BBS9: variants seen among roughly 807,000 people sequenced by gnomAD.
BBS9 encodes the protein Bardet-Biedl syndrome 9.
A neutral mutation model predicts 117.7 loss-of-function variants in BBS9; 89 were observed. That is an observed-to-expected ratio of 0.76 (90% CI 0.64 to 0.90). The LOEUF (loss-of-function observed/expected upper bound fraction) is 0.90, where lower values mean the gene tolerates loss of function less well. BBS9 is among the 40% of genes least tolerant of loss of function. The pLI, the probability that BBS9 is intolerant of heterozygous loss-of-function variation, is 0.00. For missense variants in BBS9, 982 were observed against 1,042.2 expected (o/e 0.94, Z 0.80); for synonymous variants, 379 against 370.9 (o/e 1.02, Z -0.25).
At chr7:33,352,683 C>G (rs891186391) in intron 14 of BBS9, among the ~76,000 whole-genome samples, 176 bp from the exon 15 acceptor site, 1 of 152,042 alleles carries the variant, frequency 6.6e-6, no homozygotes, top group African/African-American at 2.4e-5. Flanking sequence ...TTGTGTTATA[C>G]TCTCAATTGT....
intron 17 of BBS9, among the ~76,000 whole-genome samples, chr7:33,370,238 G>A (rs1285863966): frequency 1.3e-5 from 2 of 151,732 alleles, no homozygotes; most frequent in South Asian, 2.1e-4. Flanking sequence ...TGGGAGGATC[G>A]CTTAAGCCTA....
intron 9 of BBS9, chr7:33,314,455 C>T (rs1810029737): frequency 4.5e-6 from 1 of 223,878 alleles, no homozygotes; most frequent in Non-Finnish European, 9.0e-6. Flanking sequence ...TATTATTTGA[C>T]AATTAGAAGG....
chr7:33,201,479 C>T (rs778916565), intron 5 of BBS9, among the ~76,000 whole-genome samples: 2 of 152,126 alleles, frequency 1.3e-5, no homozygotes, highest in East Asian at 1.9e-4. Context: ...TCAGATCCTA[C>T]GTCATCCCAC....
intron 5 of BBS9, among the ~76,000 whole-genome samples, chr7:33,216,918 AC>A (rs780680448): frequency 4.6e-5 from 7 of 152,050 alleles, no homozygotes; most frequent in Non-Finnish European, 7.4e-5. Flanking sequence ...ACATGGTGAA[AC>A]CCATCTCTAC....
intron 19 of BBS9, among the ~76,000 whole-genome samples, chr7:33,406,356 G>A (rs1274762315): frequency 6.6e-6 from 1 of 152,104 alleles, no homozygotes; most frequent in East Asian, 1.9e-4. Context: ...TGTCTATTAG[G>A]TCTGCTTGGT....
At chr7:33,428,585 T>C (rs1223014988) in intron 19 of BBS9, among the ~76,000 whole-genome samples, 1 of 152,164 alleles carries the variant, frequency 6.6e-6, no homozygotes, top group African/African-American at 2.4e-5. Context: ...CTTGGCTTTA[T>C]AGGGTACACA....
In BBS9 at chr7:33,356,541, G is replaced by A. The variant is rs558786257; in HGVS notation, c.1553-1314G>A. Among the ~76,000 whole-genome samples the A allele has an allele frequency of 4.6e-5, 7 of 151,862 alleles. No individual in the cohort carries two copies. The South Asian group carries it at 1.2e-3, about 27-fold the overall frequency. On this transcript the variant is annotated intron_variant, in intron 15 of 22. Transcript: ENST00000242067. The stretch of plus-strand genomic sequence containing the variant: ...TGGTTATGAGCAAAAAATGAGCTAC[G>A]TAAAACTTGATGGATAATAGATTAT...
rs6955645 is a variant in BBS9, at chr7:33,351,527, T to A, written c.1537+204T>A. On this transcript the variant is annotated intron_variant, in intron 14 of 22. Coordinates refer to ENST00000242067, the MANE Select transcript of BBS9 (RefSeq NM_198428.3). Reference sequence around the variant, plus strand: ...CTATTTAGCTGATTTCCATATGTAATGTTTGGTTCCCTCTTTTCAGTTAAT... The same window carrying A: ...CTATTTAGCTGATTTCCATATGTAAAGTTTGGTTCCCTCTTTTCAGTTAAT... 0.083 allele frequency: 48,083 copies of A among 581,304 alleles called. 2,262 individuals are homozygous for A. The highest frequency in any genetic ancestry group is 0.13 in the South Asian group (7,109 of 53,594). The allele number at this position is 581,304 out of a possible 1,614,324, so 36.0% of individuals were successfully genotyped here.
rs116064541 is a variant in BBS9, at chr7:33,214,753, G to A, written c.442+37162G>A. ...CATGCTTATAGATGGGGATAACATTGCTAAAATATCAATACCACTCAAAGC... is the reference window on the plus strand; with the variant it reads ...CATGCTTATAGATGGGGATAACATTACTAAAATATCAATACCACTCAAAGC... On this transcript the variant is annotated intron_variant, in intron 5 of 22. Transcript: ENST00000242067. Among the ~76,000 whole-genome samples, 1,042 of 152,274 alleles carry A rather than the reference G, an allele frequency of 6.8e-3. 13 individuals carry two copies. Among genetic ancestry groups the A allele is most frequent in the African/African-American group, 0.024 (991 of 41,542 alleles).
At chr7:33,312,298 G>A (rs573637218) in intron 9 of BBS9, among the ~76,000 whole-genome samples, 5 of 152,132 alleles carry the variant, frequency 3.3e-5, no homozygotes, top group Non-Finnish European at 7.3e-5. Context: ...CGGGATATAG[G>A]CATCTGTCTT....
intron 2 of BBS9, among the ~76,000 whole-genome samples, chr7:33,148,170 T>C (rs1792710866): frequency 6.6e-6 from 1 of 152,152 alleles, no homozygotes; most frequent in African/African-American, 2.4e-5. Flanking sequence ...CTGTTTAAGA[T>C]AGGAATGTCT....
At chr7:33,568,061 A>G (rs1178289406) in intron 21 of BBS9, among the ~76,000 whole-genome samples, 1 of 152,188 alleles carries the variant, frequency 6.6e-6, no homozygotes, top group Non-Finnish European at 1.5e-5. Flanking sequence ...TCCTTGGCTT[A>G]CAGTCTTACT....
chr7:33,324,132 T>C (rs1427383133), intron 9 of BBS9, among the ~76,000 whole-genome samples: 2 of 152,006 alleles, frequency 1.3e-5, no homozygotes, highest in South Asian at 2.1e-4. Flanking sequence ...GCCACCACGC[T>C]TGGACCCCTG....
intron 21 of BBS9, among the ~76,000 whole-genome samples, chr7:33,618,463 A>G (rs1308342018): frequency 6.6e-6 from 1 of 152,216 alleles, no homozygotes; most frequent in Non-Finnish European, 1.5e-5. Flanking sequence ...ATGGTGGTGC[A>G]TAAATCACTT....
At chr7:33,574,033 G>C (rs554248802) in intron 21 of BBS9, among the ~76,000 whole-genome samples, 2 of 152,196 alleles carry the variant, frequency 1.3e-5, no homozygotes, top group South Asian at 4.1e-4. Flanking sequence ...CTTCTCCATT[G>C]TGCATGTGGG....
intron 6 of BBS9, among the ~76,000 whole-genome samples, chr7:33,261,420 T>A (rs544020685): frequency 6.6e-6 from 1 of 152,328 alleles, no homozygotes; most frequent in South Asian, 2.1e-4. Flanking sequence ...AGAAAGCTTC[T>A]GTTTTGTTAC....
chr7:33,347,088 A>C (rs1817726788), intron 12 of BBS9, among the ~76,000 whole-genome samples: 1 of 152,184 alleles, frequency 6.6e-6, no homozygotes, highest in Non-Finnish European at 1.5e-5. Context: ...ACTTGCAATC[A>C]AAGTGGCCTT....
intron 19 of BBS9, among the ~76,000 whole-genome samples, chr7:33,400,718 CT>C (rs1828769774): frequency 6.6e-6 from 1 of 152,146 alleles, no homozygotes; most frequent in Non-Finnish European, 1.5e-5. Context: ...CGATATGTTT[CT>C]CTGTATATTA....
intron 20 of BBS9, among the ~76,000 whole-genome samples, chr7:33,523,162 A>G (rs1848910845): frequency 6.8e-6 from 1 of 147,148 alleles, no homozygotes; most frequent in Non-Finnish European, 1.5e-5. Flanking sequence ...CTTGTAGTAT[A>G]GTTTGAAGTC....
Sources: allele counts gnomAD v4.1 joint callset (sites outside exome capture counted in the v4.1 genomes callset), GRCh38; gene constraint gnomAD v4.1.1; transcripts MANE v1.5; gene names NCBI Gene and HGNC (gene_info 2026-07-23, HGNC 2026-07-21).